The following AMMECR1 variants were observed in gnomAD, a reference collection of about 807,000 sequenced individuals.
The protein encoded by AMMECR1 is nuclear protein AMMECR1.
A neutral mutation model predicts 22.5 loss-of-function variants in AMMECR1; 3 were observed. The ratio of observed to expected loss-of-function variants is 0.13; its 90% CI spans 0.06 to 0.35. The LOEUF is 0.35. Ranked by LOEUF, AMMECR1 falls within the 10% of genes least tolerant of loss-of-function variation. AMMECR1 has a pLI of 1.00. For missense variants in AMMECR1, 235 were observed against 278.7 expected, an observed-to-expected ratio of 0.84 and a Z score of 1.12; for synonymous variants, 130 against 116.7, an observed-to-expected ratio of 1.11 and a Z score of -0.74.
At chrX:110,346,410 A>G (rs1224111739) in intron 2 of AMMECR1, among the ~76,000 whole-genome samples, 2 of 112,217 alleles carry the variant, frequency 1.8e-5, no homozygotes, top group Non-Finnish European at 3.8e-5. Context: ...ATAATAAACC[A>G]CAATAAGTTA....
chrX:110,303,723 G>A (rs777464105), intron 1 of AMMECR1, among the ~76,000 whole-genome samples: 2 of 112,237 alleles, frequency 1.8e-5, no homozygotes, highest in Admixed American at 1.9e-4. Context: ...ACTATGATAG[G>A]AGGGAGAGTT....
chrX:110,228,732 A>G (rs947811492), intron 2 of AMMECR1, among the ~76,000 whole-genome samples: 1 of 110,661 alleles, frequency 9.0e-6, no homozygotes, highest in Non-Finnish European at 1.9e-5. Flanking sequence ...GTGTGTGGAG[A>G]ATGCAGTCTT....
intron 2 of AMMECR1, among the ~76,000 whole-genome samples, chrX:110,382,182 A>C (rs2068424760): frequency 8.9e-6 from 1 of 111,851 alleles, no homozygotes; most frequent in Non-Finnish European, 1.9e-5. Flanking sequence ...GTGAAAATTC[A>C]GAAGGCCATG....
intron 2 of AMMECR1, among the ~76,000 whole-genome samples, chrX:110,406,026 T>C (rs1041404204): frequency 2.7e-5 from 3 of 111,706 alleles, no homozygotes; most frequent in African/African-American, 9.8e-5. Context: ...TCTATTGCTT[T>C]GTTTAGAGAT....
intron 2 of AMMECR1, among the ~76,000 whole-genome samples, chrX:110,260,002 T>C (rs1463044437): frequency 1.8e-5 from 2 of 111,992 alleles, no homozygotes; most frequent in Non-Finnish European, 3.8e-5. Context: ...TGCTTTCTAA[T>C]ATATAAAAGC....
At chrX:110,415,024 C>G (rs1179372076) in intron 2 of AMMECR1, among the ~76,000 whole-genome samples, 14 of 112,017 alleles carry the variant, frequency 1.2e-4, no homozygotes, top group Non-Finnish European at 1.9e-5. Context: ...TTTAAATGCT[C>G]CTCTTCTGTG....
intron 2 of AMMECR1, among the ~76,000 whole-genome samples, chrX:110,392,046 C>T (rs1356923242): frequency 8.9e-6 from 1 of 112,142 alleles, no homozygotes; most frequent in Admixed American, 9.4e-5. Context: ...GTATATTTTA[C>T]ATTCTCATGA....
chrX:110,262,872 G>A (rs1367984149), intron 2 of AMMECR1, among the ~76,000 whole-genome samples: 1 of 111,321 alleles, frequency 9.0e-6, no homozygotes, highest in Non-Finnish European at 1.9e-5. Context: ...AGGATAAAAG[G>A]GTCCTGTAGT....
At chrX:110,429,106 T>A (rs2068776141) in intron 1 of AMMECR1, among the ~76,000 whole-genome samples, 1 of 112,186 alleles carries the variant, frequency 8.9e-6, no homozygotes, top group Non-Finnish European at 1.9e-5. Context: ...AATTGCTCAA[T>A]TCTCATCTCC....
rs767739710 is a variant in AMMECR1 at position 110,369,106 on chromosome X, G to C, written c.-147-51257C>G. Among the ~76,000 whole-genome samples, 4 of 112,054 alleles carry C rather than the reference G, an allele frequency of 3.6e-5. No individual in the cohort carries two copies. In the South Asian group the frequency reaches 1.5e-3, roughly 42 times the overall value. ...CCAGCACTTTGGGAGGCTGAGGTGG[G>C]CAGATCAGGAAGTCAGGGAATTGAG... On this transcript the variant is annotated intron_variant, in intron 2 of 7. Coordinates refer to the AMMECR1 transcript ENST00000372057.
intron 2 of AMMECR1, among the ~76,000 whole-genome samples, chrX:110,378,170 G>A (rs1037248308): frequency 9.0e-6 from 1 of 111,245 alleles, no homozygotes; most frequent in South Asian, 3.8e-4. Flanking sequence ...GCTCAGCTTT[G>A]GGGCTGTAAA....
At chrX:110,295,107 TCCA>T (rs1048891893) in intron 1 of AMMECR1, among the ~76,000 whole-genome samples, 1 of 110,986 alleles carries the variant, frequency 9.0e-6, no homozygotes, top group African/African-American at 3.3e-5. Context: ...ATTTAGAGAC[TCCA>T]CCTGAGCTAA....
At chrX:110,368,602 T>C (rs1384548965) in intron 2 of AMMECR1, among the ~76,000 whole-genome samples, 2 of 112,095 alleles carry the variant, frequency 1.8e-5, no homozygotes, top group East Asian at 5.5e-4. Flanking sequence ...AAATTGCCAC[T>C]CTCTGCATGC....
intron 2 of AMMECR1, among the ~76,000 whole-genome samples, chrX:110,231,305 A>G (rs1440380800): frequency 3.6e-5 from 4 of 112,526 alleles, no homozygotes; most frequent in Non-Finnish European, 7.5e-5. Flanking sequence ...CACAAAGGGA[A>G]CAGCGGATCT....
intron 1 of AMMECR1, among the ~76,000 whole-genome samples, chrX:110,281,022 CAGAA>C (rs2067849721): frequency 1.8e-5 from 2 of 111,756 alleles, no homozygotes; most frequent in African/African-American, 3.2e-5. Context: ...AATTGCTTTC[CAGAA>C]AGAAAGTGCC....
intron 2 of AMMECR1, among the ~76,000 whole-genome samples, chrX:110,252,365 T>A (rs1310311915): frequency 9.0e-6 from 1 of 111,318 alleles, no homozygotes; most frequent in Non-Finnish European, 1.9e-5. Flanking sequence ...GGAGGATTGT[T>A]TGAGCCCAGG....
At chrX:110,252,898 G>A (rs930395368) in intron 2 of AMMECR1, among the ~76,000 whole-genome samples, 7 of 112,111 alleles carry the variant, frequency 6.2e-5, no homozygotes, top group African/African-American at 2.3e-4. Flanking sequence ...CAGGGTAAAC[G>A]GGCAGGGAGA....
chrX:110,404,185 T>A (rs1308183790), intron 2 of AMMECR1, among the ~76,000 whole-genome samples: 1 of 112,358 alleles, frequency 8.9e-6, no homozygotes, highest in Non-Finnish European at 1.9e-5. Context: ...TCCTTCATTT[T>A]TTTTCCTCTT....
chrX:110,388,800 G>T (rs1271066736), intron 2 of AMMECR1, among the ~76,000 whole-genome samples: 3 of 111,804 alleles, frequency 2.7e-5, no homozygotes, highest in African/African-American at 9.8e-5. Flanking sequence ...CTGCCAAGTA[G>T]TTGGCTCAAG....
Sources: gnomAD v4.1 joint callset for allele counts (sites outside exome capture counted in the v4.1 genomes callset) on GRCh38, gnomAD v4.1.1 for gene constraint, MANE v1.5 for transcripts, NCBI Gene and HGNC (gene_info 2026-07-23, HGNC 2026-07-21) for gene names.